The following PPM1L variants were observed in gnomAD, a reference collection of about 807,000 sequenced individuals.
PPM1L encodes the protein protein phosphatase, Mg2+/Mn2+ dependent 1L.
A neutral mutation model predicts 31.4 loss-of-function variants in PPM1L; 13 were observed. The observed-to-expected ratio is 0.41, with a 90% CI of 0.27 to 0.66. The LOEUF (loss-of-function observed/expected upper bound fraction) is 0.66. Among genes scored for constraint, PPM1L ranks in the 30% least tolerant of loss-of-function variants. The probability of loss-of-function intolerance (pLI) is 0.29; values close to 1 mark genes in which losing one functional copy is unlikely to be tolerated. For synonymous variants in PPM1L, 184 were observed against 175.4 expected (o/e 1.05, Z -0.39); for missense variants, 326 against 453.7 (o/e 0.72, Z 2.56).
intron 3 of PPM1L, among the ~76,000 whole-genome samples, chr3:161,066,531 C>T (rs1227478271): frequency 6.6e-6 from 1 of 152,136 alleles, no homozygotes; most frequent in African/African-American, 2.4e-5. Flanking sequence ...GATGTTTGGA[C>T]AAAGACTCGG....
chr3:160,757,497 T>A (rs1714843894), intron 1 of PPM1L, among the ~76,000 whole-genome samples: 1 of 152,246 alleles, frequency 6.6e-6, no homozygotes, highest in Admixed American at 6.5e-5. Flanking sequence ...AGGAGATAGC[T>A]AGAGGCCAGT....
At chr3:160,851,659 A>G (rs953153098) in intron 1 of PPM1L, among the ~76,000 whole-genome samples, 4 of 152,206 alleles carry the variant, frequency 2.6e-5, no homozygotes, top group African/African-American at 9.6e-5. Flanking sequence ...ATTTTAGAGA[A>G]CAAGACTTTT....
intron 1 of PPM1L, among the ~76,000 whole-genome samples, chr3:160,783,264 C>A (rs1047835199): frequency 2.6e-5 from 4 of 152,026 alleles, no homozygotes; most frequent in African/African-American, 9.7e-5. Flanking sequence ...AAAAATGATT[C>A]TCAGGAAAAG....
intron 2 of PPM1L, among the ~76,000 whole-genome samples, chr3:161,051,851 A>G (rs1321046121): frequency 6.6e-6 from 1 of 152,222 alleles, no homozygotes; most frequent in African/African-American, 2.4e-5. Flanking sequence ...ATGCTTTACA[A>G]GGGCTTATTT....
At chr3:161,058,006 T>A (rs1428511014) in intron 2 of PPM1L, among the ~76,000 whole-genome samples, 3 of 151,760 alleles carry the variant, frequency 2.0e-5, no homozygotes. Flanking sequence ...GAAAGGGGCC[T>A]GGAGGTTAAT....
intron 1 of PPM1L, among the ~76,000 whole-genome samples, chr3:160,808,741 AT>A (rs1238313513): frequency 2.0e-5 from 3 of 152,158 alleles, no homozygotes; most frequent in Non-Finnish European, 4.4e-5. Context: ...AAGGGAACTG[AT>A]TAATCAGTTA....
At chr3:160,808,416 T>TGTGTGTGTGTGTGCGCGTGC (rs1553808362) in intron 1 of PPM1L, among the ~76,000 whole-genome samples, 5 of 129,310 alleles carry the variant, frequency 3.9e-5, no homozygotes, top group Middle Eastern at 7.6e-3. Flanking sequence ...TGTGTGTGTG[T>TGTGTGTGTGTGTGCGCGTGC]GTGTGTGGTG....
chr3:160,975,552 G>C (rs1024086225), intron 2 of PPM1L, among the ~76,000 whole-genome samples: 1 of 152,030 alleles, frequency 6.6e-6, no homozygotes, highest in Non-Finnish European at 1.5e-5. Context: ...ATTTCCTTGA[G>C]CAGTGGTTTG....
At chr3:160,782,899 A>C (rs1711789707) in intron 1 of PPM1L, among the ~76,000 whole-genome samples, 1 of 152,152 alleles carries the variant, frequency 6.6e-6, no homozygotes, top group Non-Finnish European at 1.5e-5. Context: ...TGTTTATTGA[A>C]TTGTGTTATT....
At chr3:160,779,655 T>A (rs1711679647) in intron 1 of PPM1L, among the ~76,000 whole-genome samples, 1 of 151,982 alleles carries the variant, frequency 6.6e-6, no homozygotes, top group South Asian at 2.1e-4. Flanking sequence ...CCCTAGTAGC[T>A]GGGATTACAG....
At chr3:161,047,833 G>A (rs1719133409) in intron 2 of PPM1L, among the ~76,000 whole-genome samples, 1 of 152,158 alleles carries the variant, frequency 6.6e-6, no homozygotes, top group African/African-American at 2.4e-5. Context: ...ACAAGAAATG[G>A]GGAAAGGATT....
At chr3:160,825,538 C>T (rs1461001795) in intron 1 of PPM1L, among the ~76,000 whole-genome samples, 1 of 152,114 alleles carries the variant, frequency 6.6e-6, no homozygotes, top group Non-Finnish European at 1.5e-5. Context: ...ATTGTTACCT[C>T]CCGCATGTTA....
chr3:160,926,756 G>A (rs1714607438), intron 1 of PPM1L, among the ~76,000 whole-genome samples: 1 of 152,180 alleles, frequency 6.6e-6, no homozygotes, highest in Non-Finnish European at 1.5e-5. Flanking sequence ...ACAAAGTCAA[G>A]ATACTAAGCC....
chr3:160,933,389 GAA>G (rs780068849), intron 1 of PPM1L, among the ~76,000 whole-genome samples: 2 of 152,128 alleles, frequency 1.3e-5, no homozygotes, highest in Non-Finnish European at 2.9e-5. Flanking sequence ...AATTAAAAAT[GAA>G]ATTGAAACAA....
At chr3:161,031,321 G>T (rs1338148019) in intron 2 of PPM1L, among the ~76,000 whole-genome samples, 5 of 152,180 alleles carry the variant, frequency 3.3e-5, no homozygotes, top group Non-Finnish European at 7.3e-5. Context: ...CAATTGTTGA[G>T]CAACAACTAT....
At chr3:160,957,939 G>C (rs1370686363) in intron 1 of PPM1L, among the ~76,000 whole-genome samples, 1 of 152,074 alleles carries the variant, frequency 6.6e-6, no homozygotes, top group African/African-American at 2.4e-5. Context: ...TTTCATGATT[G>C]TTGGCTGCAT....
At chr3:160,975,234 C>G (rs199826321) in intron 2 of PPM1L, among the ~76,000 whole-genome samples, 71,878 of 151,586 alleles carry the variant, frequency 0.47, 18,354 homozygotes, top group East Asian at 0.7. Context: ...TGATCTATAT[C>G]TCTGTTTTGG....
chr3:160,961,337 A>G (rs909749396), intron 1 of PPM1L, among the ~76,000 whole-genome samples: 1 of 152,172 alleles, frequency 6.6e-6, no homozygotes, highest in Non-Finnish European at 1.5e-5. Flanking sequence ...AGGGATGTGG[A>G]TGCCGTAGCA....
intron 2 of PPM1L, among the ~76,000 whole-genome samples, chr3:161,003,894 G>C (rs1266716164): frequency 2.0e-5 from 3 of 150,706 alleles, no homozygotes; most frequent in Non-Finnish European, 4.4e-5. Context: ...GGAGTGGTGA[G>C]AGAGGGCATC....
Sources: gnomAD v4.1 joint callset for allele counts (sites outside exome capture counted in the v4.1 genomes callset) on GRCh38, gnomAD v4.1.1 for gene constraint, MANE v1.5 for transcripts, NCBI Gene and HGNC (gene_info 2026-07-23, HGNC 2026-07-21) for gene names.